Variants in MRPS28 observed in about 807,000 individuals in gnomAD.
The protein encoded by MRPS28 is mitochondrial ribosomal protein S28.
In MRPS28, 7 loss-of-function variants were observed where a neutral mutation model predicts 10.8. The ratio of observed to expected loss-of-function variants is 0.65; its 90% CI spans 0.37 to 1.22. The LOEUF is 1.22. Among genes scored for constraint, MRPS28 ranks in the 50% most tolerant of loss-of-function variants. MRPS28 has a pLI of 0.02. For missense variants in MRPS28, 265 were observed against 232.9 expected, an observed-to-expected ratio of 1.14 and a Z score of -0.90; for synonymous variants, 121 against 93.3, an observed-to-expected ratio of 1.30 and a Z score of -1.71.
intron 1 of MRPS28, among the ~76,000 whole-genome samples, chr8:80,025,577 T>C (rs554108542): frequency 1.3e-5 from 2 of 152,272 alleles, no homozygotes; most frequent in Admixed American, 1.3e-4. Context: ...ATCCACACCA[T>C]GGAATACCAA....
intron 2 of MRPS28, among the ~76,000 whole-genome samples, chr8:79,997,297 C>T (rs921152120): frequency 1.3e-5 from 2 of 152,104 alleles, no homozygotes; most frequent in Admixed American, 6.5e-5. Context: ...TATACATGTA[C>T]ACAGCAAAAA....
intron 2 of MRPS28, 31 bp downstream of exon 2, chr8:80,002,968 T>C (rs760374577): frequency 2.0e-6 from 3 of 1,510,074 alleles, no homozygotes; most frequent in African/African-American, 2.8e-5. Flanking sequence ...TTATGAATAC[T>C]CTTAAGGTAC....
chr8:79,973,098 C>G (rs1807679956), intron 2 of MRPS28, among the ~76,000 whole-genome samples: 1 of 152,118 alleles, frequency 6.6e-6, no homozygotes, highest in African/African-American at 2.4e-5. Flanking sequence ...CCACTATAAC[C>G]ATACAACAAA....
At chr8:79,986,979 G>T (rs1181927000) in intron 2 of MRPS28, among the ~76,000 whole-genome samples, 1 of 152,162 alleles carries the variant, frequency 6.6e-6, no homozygotes, top group Non-Finnish European at 1.5e-5. Flanking sequence ...TCAATCCTGA[G>T]CCAAAAGAAC....
At chr8:79,993,982 A>C (rs1808430089) in intron 2 of MRPS28, among the ~76,000 whole-genome samples, 1 of 152,192 alleles carries the variant, frequency 6.6e-6, no homozygotes, top group Admixed American at 6.6e-5. Context: ...GTTACCTTAG[A>C]GCTGCCAATC....
intron 2 of MRPS28, among the ~76,000 whole-genome samples, chr8:79,966,645 T>G (rs1255586839): frequency 6.6e-6 from 1 of 152,118 alleles, no homozygotes; most frequent in Non-Finnish European, 1.5e-5. Context: ...TGGCACAGTT[T>G]TTCACATGAA....
At chr8:80,026,647 G>GA (rs1476173927) in intron 1 of MRPS28, among the ~76,000 whole-genome samples, 2 of 152,092 alleles carry the variant, frequency 1.3e-5, no homozygotes, top group Non-Finnish European at 2.9e-5. Context: ...TTTCTACTGG[G>GA]AAAAAAGTTA....
Position 79,966,968 on chromosome 8 carries a change from T to C in MRPS28, c.395+36031A>G, listed in dbSNP as rs114324122. Among the ~76,000 whole-genome samples the C allele has an allele frequency of 5.6e-3, 854 of 152,292 alleles. 9 individuals are homozygous for C. Among genetic ancestry groups the C allele is most frequent in the African/African-American group, 0.02 (826 of 41,558 alleles). Reference sequence around the variant, plus strand: ...AGTATTTATGATTCTTTGACCCCAATTCACATATCATTTTTTTAAACTGTT... The same window carrying C: ...AGTATTTATGATTCTTTGACCCCAACTCACATATCATTTTTTTAAACTGTT... On this transcript the variant is annotated intron_variant, in intron 2 of 2. Coordinates refer to ENST00000276585, the MANE Select transcript of MRPS28 (RefSeq NM_014018.3).
intron 2 of MRPS28, among the ~76,000 whole-genome samples, chr8:79,928,960 C>T (rs761505790): frequency 2.0e-5 from 3 of 152,046 alleles, no homozygotes; most frequent in Non-Finnish European, 4.4e-5. Flanking sequence ...ACAGGAGAAT[C>T]GCTTGAACCC....
intron 1 of MRPS28, among the ~76,000 whole-genome samples, chr8:80,007,393 T>C (rs113905331): frequency 0.027 from 4,141 of 152,322 alleles, 179 homozygotes; most frequent in African/African-American, 0.09. Context: ...ACCACTCTTA[T>C]TCAACACAGT....
chr8:79,973,085 T>C (rs1363005288), intron 2 of MRPS28, among the ~76,000 whole-genome samples: 1 of 152,198 alleles, frequency 6.6e-6, no homozygotes, highest in Non-Finnish European at 1.5e-5. Context: ...AAATGAAAGC[T>C]AGCCACTATA....
intron 1 of MRPS28, among the ~76,000 whole-genome samples, chr8:80,020,031 T>C (rs947723433): frequency 1.2e-4 from 18 of 152,262 alleles, no homozygotes; most frequent in South Asian, 8.3e-4. Flanking sequence ...AAGATGTACA[T>C]TGGTTACACT....
intron 2 of MRPS28, among the ~76,000 whole-genome samples, chr8:79,970,257 A>T (rs1228190224): frequency 1.3e-5 from 2 of 152,172 alleles, no homozygotes; most frequent in African/African-American, 4.8e-5. Flanking sequence ...GTTAATGGGT[A>T]TATTGGGGGA....
chr8:80,000,473 C>T (rs1001159592), intron 2 of MRPS28, among the ~76,000 whole-genome samples: 6 of 152,092 alleles, frequency 3.9e-5, no homozygotes, highest in Non-Finnish European at 2.9e-5. Flanking sequence ...AGAGCCACCC[C>T]GTCTCCCCTC....
intron 2 of MRPS28, among the ~76,000 whole-genome samples, chr8:79,942,741 G>A (rs1806803671): frequency 6.6e-6 from 1 of 151,980 alleles, no homozygotes; most frequent in Admixed American, 6.6e-5. Flanking sequence ...AACTAAACTG[G>A]TCTTGAGATT....
intron 2 of MRPS28, among the ~76,000 whole-genome samples, chr8:80,002,777 A>C (rs1047068569): frequency 1.3e-5 from 2 of 152,216 alleles, no homozygotes; most frequent in Non-Finnish European, 2.9e-5. Context: ...ATGAACATTC[A>C]AGTCTTCCCA....
At chr8:80,027,217 T>G (rs1421477759) in intron 1 of MRPS28, among the ~76,000 whole-genome samples, 1 of 152,206 alleles carries the variant, frequency 6.6e-6, no homozygotes, top group African/African-American at 2.4e-5. Context: ...AAAGCTAAAA[T>G]GCACTGAATA....
intron 2 of MRPS28, among the ~76,000 whole-genome samples, chr8:79,959,921 A>C (rs998351058): frequency 1.3e-5 from 2 of 152,132 alleles, no homozygotes; most frequent in African/African-American, 2.4e-5. Context: ...TTCTTGAAAA[A>C]GCACAGAGGC....
chr8:79,945,282 T>C (rs1806880445), intron 2 of MRPS28, among the ~76,000 whole-genome samples: 1 of 152,224 alleles, frequency 6.6e-6, no homozygotes, highest in Admixed American at 6.5e-5. Flanking sequence ...TAAGGCAATG[T>C]ATTTATAAAT....
Sources: gnomAD v4.1 joint callset for allele counts (sites outside exome capture counted in the v4.1 genomes callset) on GRCh38, gnomAD v4.1.1 for gene constraint, MANE v1.5 for transcripts, NCBI Gene and HGNC (gene_info 2026-07-23, HGNC 2026-07-21) for gene names.